Variants in COL11A1 observed in about 807,000 individuals in gnomAD.
The protein encoded by COL11A1 is collagen alpha-1(XI) chain.
Under a neutral mutation model 265.2 loss-of-function variants are expected in COL11A1, and 74 were observed. The observed-to-expected ratio is 0.28, with a 90% CI of 0.23 to 0.34. The LOEUF is 0.34. Among genes scored for constraint, COL11A1 ranks in the 10% least tolerant of loss-of-function variants. COL11A1 has a pLI of 1.00. For missense variants in COL11A1, 2,165 were observed against 2,263.6 expected, an observed-to-expected ratio of 0.96 and a Z score of 0.88; for synonymous variants, 816 against 727.6, an observed-to-expected ratio of 1.12 and a Z score of -1.96.
chr1:102,926,589 G>T (rs1656624752), intron 46 of COL11A1, among the ~76,000 whole-genome samples: 1 of 152,112 alleles, frequency 6.6e-6, no homozygotes, highest in Non-Finnish European at 1.5e-5. Flanking sequence ...TACAGAAGTA[G>T]CTGTGGGAAA....
chr1:102,923,737 CT>C (rs1260322782), intron 46 of COL11A1, among the ~76,000 whole-genome samples: 2 of 151,996 alleles, frequency 1.3e-5, no homozygotes, highest in East Asian at 3.9e-4. Context: ...TTTCTGGAAT[CT>C]TTTGACTCAA....
At chr1:102,985,939 G>A (rs548073813) in intron 30 of COL11A1, among the ~76,000 whole-genome samples, 2 of 152,170 alleles carry the variant, frequency 1.3e-5, no homozygotes, top group African/African-American at 2.4e-5. Context: ...TTTTTTCAAA[G>A]TGTGAAACTG....
At chr1:102,992,455 T>A (rs1316652071) in intron 28 of COL11A1, among the ~76,000 whole-genome samples, 1 of 152,022 alleles carries the variant, frequency 6.6e-6, no homozygotes, top group Non-Finnish European at 1.5e-5. Flanking sequence ...GGTTAACAAT[T>A]AACATCATTA....
At position 103,022,858 on chromosome 1, in the gene COL11A1, C is replaced by A. The variant is rs376421641; in HGVS notation, c.1129G>T (p.Asp377Tyr). The stretch of plus-strand genomic sequence containing the variant: ...TCATAAAAATCATATTCGCCTAAAT[C>A]TCCATCTACCAGAAGATCAGAATCC... ...GRDSDLLVDGDLGEYDFYEYK... is the reference protein window; with the variant it reads ...GRDSDLLVDGYLGEYDFYEYK... Residue 377 changes from aspartate (D) to tyrosine (Y), a missense_variant, in exon 8 of 67, where the codon GAT becomes TAT. Coordinates refer to ENST00000370096, the MANE Select transcript of COL11A1 (RefSeq NM_001854.4). The A allele has an allele frequency of 4.3e-6, 7 of 1,613,910 alleles. No individual in the cohort carries two copies. In the African/African-American group the frequency reaches 9.3e-5, roughly 22 times the overall value.
intron 54 of COL11A1, among the ~76,000 whole-genome samples, chr1:102,904,958 G>C (rs946935433): frequency 6.6e-6 from 1 of 152,010 alleles, no homozygotes; most frequent in Admixed American, 6.6e-5. Flanking sequence ...CAATAGCAAA[G>C]ACTTGGAACC....
chr1:102,917,642 T>G (rs1655499501), intron 49 of COL11A1, among the ~76,000 whole-genome samples: 1 of 151,928 alleles, frequency 6.6e-6, no homozygotes, highest in South Asian at 2.1e-4. Flanking sequence ...ATATGTTTTG[T>G]TGTTCTCTTT....
At chr1:103,050,475 C>A (rs990655359) in intron 4 of COL11A1, among the ~76,000 whole-genome samples, 12 of 152,272 alleles carry the variant, frequency 7.9e-5, no homozygotes, top group African/African-American at 2.9e-4. Context: ...GACTTCTCTG[C>A]ATTGGTTATT....
chr1:102,907,168 G>A (rs893859763), intron 54 of COL11A1, among the ~76,000 whole-genome samples: 2 of 152,084 alleles, frequency 1.3e-5, no homozygotes, highest in South Asian at 2.1e-4. Context: ...AGTCACCACC[G>A]TTCTCATGTT....
intron 4 of COL11A1, among the ~76,000 whole-genome samples, chr1:103,069,318 G>A (rs144127004): frequency 1.1e-4 from 17 of 151,844 alleles, no homozygotes; most frequent in East Asian, 3.9e-4. Flanking sequence ...AAAGAAAGTC[G>A]TTTCAGAAAA....
chr1:102,895,062 T>C (rs901273585), intron 57 of COL11A1, among the ~76,000 whole-genome samples: 1 of 152,214 alleles, frequency 6.6e-6, no homozygotes, highest in African/African-American at 2.4e-5. Flanking sequence ...GTTGAATTCA[T>C]GTTTATAAAC....
intron 53 of COL11A1, 55 bp from the exon 54 acceptor site, chr1:102,912,267 C>T (rs188988207): frequency 7.0e-7 from 1 of 1,433,800 alleles, no homozygotes; most frequent in African/African-American, 1.4e-5. Flanking sequence ...TTGTGGCCCA[C>T]ATAAATTTTC....
intron 7 of COL11A1, among the ~76,000 whole-genome samples, chr1:103,023,370 C>CTTTT (rs112800509): frequency 0.023 from 3,283 of 142,942 alleles, 54 homozygotes; most frequent in Middle Eastern, 0.045. Context: ...TTTTTTCTTT[C>CTTTT]TTTTTTTTTT....
chr1:102,929,944 A>G (rs1310139066), intron 46 of COL11A1, among the ~76,000 whole-genome samples: 1 of 152,200 alleles, frequency 6.6e-6, no homozygotes, highest in Non-Finnish European at 1.5e-5. Context: ...TTGATTTTGT[A>G]TCCTGAGACT....
chr1:102,939,074 C>A lies in COL11A1; in HGVS notation c.3399G>T (p.Glu1133Asp). 6.2e-7 allele frequency: 1 copy of A among 1,613,722 alleles called. No homozygotes were observed. The highest frequency in any genetic ancestry group is 8.5e-7 in the Non-Finnish European group (1 of 1,179,848). Residue 1133 changes from glutamate to aspartate, a missense_variant, in exon 44 of 67, where the codon GAG becomes GAT. Glu to Asp is a conservative substitution (Grantham distance 45). Coordinates refer to ENST00000370096, the MANE Select transcript of COL11A1 (RefSeq NM_001854.4). ...GEDGDKGEIG[E>D]PGQKGSKGDK... is the part of the protein sequence containing the mutation. ...CACCCTTGCTGCCTTTTTGTCCCGG[C>A]TCACCAATTTCACCCTGAAATTGAA...
chr1:102,928,656 T>C (rs1260471506), intron 46 of COL11A1, among the ~76,000 whole-genome samples: 1 of 151,188 alleles, frequency 6.6e-6, no homozygotes, highest in Non-Finnish European at 1.5e-5. Context: ...TCTAGATCCC[T>C]GAGGAATCGC....
chr1:103,031,008 A>G, intron 5 of COL11A1, 108 bp downstream of exon 5: 1 of 1,303,756 alleles, frequency 7.7e-7, no homozygotes, highest in Non-Finnish European at 1.1e-6. Flanking sequence ...ATTAAAATAC[A>G]AAGCATAGCT....
At chr1:103,047,095 T>G (rs1431642297) in intron 4 of COL11A1, among the ~76,000 whole-genome samples, 1 of 152,198 alleles carries the variant, frequency 6.6e-6, no homozygotes, top group Non-Finnish European at 1.5e-5. Flanking sequence ...GCGGGCTCTT[T>G]TTTGGTTCCA....
chr1:103,006,348 T>G (rs757383397), intron 15 of COL11A1, 33 bp from the exon 16 acceptor site: 82 of 1,572,208 alleles, frequency 5.2e-5, no homozygotes, highest in Non-Finnish European at 6.9e-5. Context: ...AACCATATTA[T>G]AGAATTCTTG....
At chr1:102,915,705 T>G in intron 49 of COL11A1, 21 bp from the exon 50 acceptor site, 1 of 1,563,870 alleles carries the variant, frequency 6.4e-7, no homozygotes, top group Non-Finnish European at 8.8e-7. Flanking sequence ...AAGATCAAAT[T>G]AGTATTAGAA....
Sources: allele counts gnomAD v4.1 joint callset (sites outside exome capture counted in the v4.1 genomes callset), GRCh38; gene constraint gnomAD v4.1.1; transcripts MANE v1.5; gene names NCBI Gene and HGNC (gene_info 2026-07-23, HGNC 2026-07-21).